KLC1: variants seen among roughly 807,000 people sequenced by gnomAD.
The protein encoded by KLC1 is kinesin 2 60/70kDa.
Under a neutral mutation model 84.2 loss-of-function variants are expected in KLC1, and 30 were observed. The ratio of observed to expected loss-of-function variants is 0.36; its 90% CI spans 0.27 to 0.48. The LOEUF (loss-of-function observed/expected upper bound fraction) is 0.48. Ranked by LOEUF, KLC1 falls within the 20% of genes least tolerant of loss-of-function variation. The probability of loss-of-function intolerance (pLI) is 0.99; values close to 1 mark genes in which losing one functional copy is unlikely to be tolerated. For missense variants in KLC1, 499 were observed against 805.4 expected, an observed-to-expected ratio of 0.62 and a Z score of 4.60; for synonymous variants, 289 against 293.3, an observed-to-expected ratio of 0.99 and a Z score of 0.15.
At chr14:103,685,142 T>A in intron 13 of KLC1, 1 of 1,472,994 alleles carries the variant, frequency 6.8e-7, no homozygotes, top group South Asian at 1.4e-5. Flanking sequence ...CTGTGGAAAT[T>A]AATTTTCTTT....
Position 103,693,892 on chromosome 14 carries a change from C to T in KLC1, c.1848+1467C>T. The T allele has an allele frequency of 7.6e-7, 1 of 1,320,528 alleles. No individual in the cohort carries two copies. Among genetic ancestry groups the T allele is most frequent in the Middle Eastern group, 2.9e-4 (1 of 3,460 alleles). The allele number at this position is 1,320,528 out of a possible 1,614,324, so 81.8% of individuals were successfully genotyped here. Reference sequence around the variant, plus strand: ...GGCCGAGGTGGCGCTGAGGTGGCTTCAGCACGCTGGGGATTGGCTCCTGCT... The same window carrying T: ...GGCCGAGGTGGCGCTGAGGTGGCTTTAGCACGCTGGGGATTGGCTCCTGCT... On this transcript the variant is annotated intron_variant, in intron 15 of 16. Coordinates refer to ENST00000334553, the MANE Select transcript of KLC1 (RefSeq NM_001394837.1). The surrounding 1 kb of genome is among the most constrained non-coding windows in gnomAD (Gnocchi z 5.1).
intron 1 of KLC1, among the ~76,000 whole-genome samples, chr14:103,651,298 G>A (rs1306806964): frequency 3.3e-5 from 5 of 152,152 alleles, no homozygotes; most frequent in East Asian, 1.9e-4. Context: ...GTCGGCCACC[G>A]CGCCCAGCTT....
chr14:103,629,724 C>G (rs1288779487), intron 1 of KLC1, among the ~76,000 whole-genome samples: 2 of 152,114 alleles, frequency 1.3e-5, no homozygotes, highest in Non-Finnish European at 2.9e-5. Context: ...GTCCCCGGCC[C>G]TTTTGCCAGC....
intron 3 of KLC1, among the ~76,000 whole-genome samples, chr14:103,659,934 G>C (rs116963966): frequency 1.3e-5 from 2 of 152,186 alleles, no homozygotes; most frequent in African/African-American, 2.4e-5. Context: ...TACAGAGAGA[G>C]AGGGAGTAAG....
At chr14:103,638,269 C>T (rs949226432) in intron 1 of KLC1, among the ~76,000 whole-genome samples, 1 of 152,184 alleles carries the variant, frequency 6.6e-6, no homozygotes, top group African/African-American at 2.4e-5. Flanking sequence ...TTCATAGGAA[C>T]TTTATTTAAC....
chr14:103,665,171 C>G (rs1479001943), intron 5 of KLC1, among the ~76,000 whole-genome samples: 1 of 147,366 alleles, frequency 6.8e-6, no homozygotes, highest in Non-Finnish European at 1.5e-5. Context: ...TTTTTTTTTG[C>G]CTTTAATATT....
At chr14:103,670,830 C>T (rs1453338859) in intron 7 of KLC1, among the ~76,000 whole-genome samples, 1 of 151,604 alleles carries the variant, frequency 6.6e-6, no homozygotes, top group Admixed American at 6.6e-5. Flanking sequence ...TGCTTGTAAT[C>T]CCAGCACTTT....
intron 13 of KLC1, chr14:103,686,832 G>C (rs2081806857): frequency 5.5e-6 from 1 of 180,706 alleles, no homozygotes. Context: ...TCACTTGTTT[G>C]AATGAGCTTC....
chr14:103,642,914 G>C (rs1200713507), intron 1 of KLC1, among the ~76,000 whole-genome samples: 1 of 151,674 alleles, frequency 6.6e-6, no homozygotes, highest in African/African-American at 2.4e-5. Context: ...GACAACAGGC[G>C]CACACCACCA....
chr14:103,679,602 C>CCCTG, intron 13 of KLC1, 57 bp downstream of exon 13: 1 of 1,331,080 alleles, frequency 7.5e-7, no homozygotes, highest in African/African-American at 1.4e-5. Flanking sequence ...GTGGCGCTTG[C>CCCTG]CAGGCCTTCC....
chr14:103,643,201 T>C (rs1000730373), intron 1 of KLC1, among the ~76,000 whole-genome samples: 3 of 152,264 alleles, frequency 2.0e-5, no homozygotes, highest in Admixed American at 6.5e-5. Flanking sequence ...CTGATCTCCC[T>C]TAGAGAAGAA....
intron 1 of KLC1, among the ~76,000 whole-genome samples, chr14:103,649,562 C>CAAAAAAAA: frequency 1.3e-5 from 1 of 75,776 alleles, no homozygotes; most frequent in Non-Finnish European, 2.4e-5. Flanking sequence ...GACCTCATCT[C>CAAAAAAAA]AAAAAAAAAA....
intron 4 of KLC1, 54 bp downstream of exon 4, chr14:103,662,248 C>T (rs1226017776): frequency 3.6e-6 from 5 of 1,373,308 alleles, no homozygotes; most frequent in Non-Finnish European, 5.2e-6. Flanking sequence ...AGGTGTTCCT[C>T]CTAGAACACG....
chr14:103,649,692 T>A (rs909408042), intron 1 of KLC1, among the ~76,000 whole-genome samples: 1 of 151,690 alleles, frequency 6.6e-6, no homozygotes, highest in Non-Finnish European at 1.5e-5. Flanking sequence ...AAAGGGCTTC[T>A]TATGTGTTTT....
At chr14:103,672,698 C>G (rs1054731760) in intron 7 of KLC1, among the ~76,000 whole-genome samples, 1 of 152,196 alleles carries the variant, frequency 6.6e-6, no homozygotes, top group African/African-American at 2.4e-5. Flanking sequence ...TCCTTATCTT[C>G]AAAATGTGCC....
intron 9 of KLC1, among the ~76,000 whole-genome samples, chr14:103,675,022 C>CA (rs1470690954): frequency 4.1e-4 from 62 of 152,226 alleles, no homozygotes; most frequent in Non-Finnish European, 4.3e-4. Flanking sequence ...TAGTATCTAA[C>CA]AAGGATCATA....
At chr14:103,644,933 TTTCTGTTCTA>T (rs1029329788) in intron 1 of KLC1, among the ~76,000 whole-genome samples, 1 of 150,536 alleles carries the variant, frequency 6.6e-6, no homozygotes, top group Non-Finnish European at 1.5e-5. Flanking sequence ...GTTCTGTTCT[TTTCTGTTCTA>T]TTCTGTTCTT....
intron 1 of KLC1, among the ~76,000 whole-genome samples, chr14:103,630,795 A>G (rs1030087336): frequency 6.6e-6 from 1 of 152,188 alleles, no homozygotes; most frequent in African/African-American, 2.4e-5. Flanking sequence ...TCTGTGTGGG[A>G]GGGTAGGCAC....
At position 103,696,108 on chromosome 14, in the gene KLC1, C is replaced by A. The variant is rs1023738991; in HGVS notation, c.1848+3683C>A. On this transcript the variant is annotated intron_variant, in intron 15 of 16. Coordinates refer to ENST00000334553, the MANE Select transcript of KLC1 (RefSeq NM_001394837.1). ...AATCACTGCGCCCCCGCCCCCCGCC[C>A]CCCCCCACAGCAGCCGTGTGTGCAG... is the stretch of plus-strand genomic sequence containing the variant. The A allele has an allele frequency of 8.9e-5, 73 of 819,480 alleles. 2 individuals carry two copies. The highest frequency in any genetic ancestry group is 1.3e-4 in the Admixed American group (2 of 15,140). The allele number at this position is 819,480 out of a possible 1,614,324, so 50.8% of individuals were successfully genotyped here. A position where few individuals can be genotyped will look rare whatever the true frequency, so the allele number is the denominator to read the frequency against.
Sources: allele counts gnomAD v4.1 joint callset (sites outside exome capture counted in the v4.1 genomes callset), GRCh38; gene constraint gnomAD v4.1.1; non-coding constraint Gnocchi (gnomAD v3.1); transcripts MANE v1.5; gene names NCBI Gene and HGNC (gene_info 2026-07-23, HGNC 2026-07-21).